GPHN: variants seen among roughly 807,000 people sequenced by gnomAD.
GPHN encodes gephyrin.
A neutral mutation model predicts 95.5 loss-of-function variants in GPHN; 17 were observed. The ratio of observed to expected loss-of-function variants is 0.18; its 90% CI spans 0.12 to 0.27. The LOEUF is 0.27. Among genes scored for constraint, GPHN ranks in the 10% least tolerant of loss-of-function variants. The probability of loss-of-function intolerance (pLI) is 1.00; values close to 1 mark genes in which losing one functional copy is unlikely to be tolerated. For missense variants in GPHN, 660 were observed against 978.1 expected, an observed-to-expected ratio of 0.67 and a Z score of 4.34; for synonymous variants, 320 against 322.5, an observed-to-expected ratio of 0.99 and a Z score of 0.08.
chr14:66,803,427 T>A (rs1163033049), intron 3 of GPHN, among the ~76,000 whole-genome samples: 1 of 152,192 alleles, frequency 6.6e-6, no homozygotes, highest in African/African-American at 2.4e-5. Context: ...GTACTTTTTT[T>A]GTGTAGATAG....
intron 2 of GPHN, among the ~76,000 whole-genome samples, chr14:66,743,778 G>A (rs1372609240): frequency 6.6e-6 from 1 of 152,046 alleles, no homozygotes; most frequent in Non-Finnish European, 1.5e-5. Context: ...CTCTTTAATT[G>A]CTTTAAAACA....
At chr14:67,089,122 TTTC>T in intron 12 of GPHN, 47 bp downstream of exon 12, 2 of 638,464 alleles carry the variant, frequency 3.1e-6, no homozygotes, top group Non-Finnish European at 5.2e-6. Context: ...TGTATTTTTT[TTTC>T]TTTTTTTCTT....
chr14:67,645,983 G>C, the GPHN span, among the ~76,000 whole-genome samples: 1 of 152,176 alleles, frequency 6.6e-6, no homozygotes, highest in Non-Finnish European at 1.5e-5. Flanking sequence ...ACTAGACATA[G>C]TCTCTGTTCT....
chr14:66,601,864 A>G (rs901585836), intron 1 of GPHN, among the ~76,000 whole-genome samples: 5 of 151,964 alleles, frequency 3.3e-5, no homozygotes, highest in Non-Finnish European at 7.4e-5. Flanking sequence ...AATGCATCTC[A>G]TTAGCCATAC....
chr14:66,950,465 ATTTG>A (rs2068036502), intron 8 of GPHN, among the ~76,000 whole-genome samples: 1 of 152,078 alleles, frequency 6.6e-6, no homozygotes, highest in African/African-American at 2.4e-5. Flanking sequence ...GAGCTAAATT[ATTTG>A]TTCTTTCTAT....
chr14:66,662,262 G>T (rs1449894337), intron 1 of GPHN, among the ~76,000 whole-genome samples: 1 of 152,094 alleles, frequency 6.6e-6, no homozygotes, highest in African/African-American at 2.4e-5. Flanking sequence ...CCACCTGGTT[G>T]TTTGGGCCAG....
intron 1 of GPHN, among the ~76,000 whole-genome samples, chr14:66,629,837 G>T (rs997580980): frequency 1.3e-5 from 2 of 152,070 alleles, no homozygotes; most frequent in African/African-American, 4.8e-5. Flanking sequence ...TGCAGTGCAT[G>T]ACTTCAATTA....
At chr14:67,379,845 G>A in the GPHN span, among the ~76,000 whole-genome samples, 6 of 151,182 alleles carry the variant, frequency 4.0e-5, no homozygotes, top group African/African-American at 1.2e-4. Context: ...TAGTAGAGAC[G>A]AGGTTTCACC....
chr14:66,686,659 G>A (rs1019741137), intron 2 of GPHN, among the ~76,000 whole-genome samples: 3 of 152,192 alleles, frequency 2.0e-5, no homozygotes, highest in African/African-American at 4.8e-5. Flanking sequence ...GACTGAGACG[G>A]TGGGGTTTTC....
intron 21 of GPHN, among the ~76,000 whole-genome samples, chr14:67,178,484 G>A (rs1417092890): frequency 6.6e-6 from 1 of 152,124 alleles, no homozygotes; most frequent in Non-Finnish European, 1.5e-5. Flanking sequence ...CTCTCTGGCT[G>A]CCTTTAACAT....
the GPHN span, among the ~76,000 whole-genome samples, chr14:67,430,086 C>T: frequency 6.6e-6 from 1 of 152,234 alleles, no homozygotes; most frequent in East Asian, 1.9e-4. Context: ...TGATAAAACT[C>T]CTGCGAGAGG....
At chr14:66,977,782 A>G (rs2070360536) in intron 9 of GPHN, among the ~76,000 whole-genome samples, 1 of 152,218 alleles carries the variant, frequency 6.6e-6, no homozygotes, top group South Asian at 2.1e-4. Context: ...AGGAAAATAT[A>G]CATATCTGTT....
chr14:67,687,286 A>C, the GPHN span, among the ~76,000 whole-genome samples: 1 of 152,094 alleles, frequency 6.6e-6, no homozygotes, highest in African/African-American at 2.4e-5. Flanking sequence ...ATAAACACTA[A>C]AATCCTTACT....
the GPHN span, chr14:67,578,542 G>A: frequency 2.0e-3 from 3,263 of 1,608,810 alleles, 1 homozygote; most frequent in Non-Finnish European, 2.6e-3. This position sits in a 1 kb window ranked among gnomAD's most constrained non-coding sequence, Gnocchi z 5.0. Flanking sequence ...AGTGCTGGCA[G>A]CTCCTCGCTC....
the GPHN span, among the ~76,000 whole-genome samples, chr14:67,275,877 A>G: frequency 2.6e-5 from 4 of 152,092 alleles, no homozygotes; most frequent in East Asian, 5.8e-4. Flanking sequence ...GAATTTATCC[A>G]TTTCTTCTAG....
At chr14:67,311,864 C>T in the GPHN span, 6 of 152,322 alleles carry the variant, frequency 3.9e-5, no homozygotes, top group East Asian at 3.9e-4. Flanking sequence ...TAATTTTAGT[C>T]GTTGATAGTG....
At chr14:67,572,062 T>G in the GPHN span, 1,063,519 of 1,527,978 alleles carry the variant, frequency 0.7, 371,690 homozygotes, top group African/African-American at 0.79. Context: ...GGTGGTCAAG[T>G]CTCAGCAGCT....
At chr14:67,010,602 A>G (rs1457212885) in intron 9 of GPHN, among the ~76,000 whole-genome samples, 2 of 151,948 alleles carry the variant, frequency 1.3e-5, no homozygotes, top group African/African-American at 4.8e-5. Flanking sequence ...AACATATGTA[A>G]AACAAAGAAT....
chr14:66,510,125 G>A (rs2057982894), intron 1 of GPHN, among the ~76,000 whole-genome samples: 1 of 152,184 alleles, frequency 6.6e-6, no homozygotes, highest in South Asian at 2.1e-4. Context: ...AACTGTTTGG[G>A]TATGTGAAGA....
Sources: allele counts gnomAD v4.1 joint callset (sites outside exome capture counted in the v4.1 genomes callset), GRCh38; gene constraint gnomAD v4.1.1; non-coding constraint Gnocchi (gnomAD v3.1); transcripts MANE v1.5; gene names NCBI Gene and HGNC (gene_info 2026-07-23, HGNC 2026-07-21).